Variants in SOS2 observed in about 807,000 individuals in gnomAD.
The protein encoded by SOS2 is son of sevenless homolog 2.
SOS2 carries 65 observed loss-of-function variants against 148.2 expected under a neutral mutation model. The observed-to-expected ratio is 0.44, with a 90% CI of 0.36 to 0.54. The LOEUF (loss-of-function observed/expected upper bound fraction) is 0.54, where lower values mean the gene tolerates loss of function less well. SOS2 is among the 20% of genes least tolerant of loss of function. The pLI is 0.00. For synonymous variants in SOS2, 539 were observed against 537.1 expected, an observed-to-expected ratio of 1.00 and a Z score of -0.05; for missense variants, 1,341 against 1,590.2, an observed-to-expected ratio of 0.84 and a Z score of 2.67.
intron 1 of SOS2, among the ~76,000 whole-genome samples, chr14:50,211,385 G>T (rs1222383916): frequency 6.6e-6 from 1 of 151,932 alleles, no homozygotes. Flanking sequence ...TGTTACCTAG[G>T]TATATTGTGT....
chr14:50,160,341 A>G (rs866167413), intron 9 of SOS2, among the ~76,000 whole-genome samples: 7 of 137,314 alleles, frequency 5.1e-5, no homozygotes, highest in South Asian at 2.3e-4. Context: ...ATTTTTAAAC[A>G]TTTATTAAGT....
intron 4 of SOS2, among the ~76,000 whole-genome samples, chr14:50,189,321 C>CAT (rs1187796534): frequency 7.8e-5 from 1 of 12,842 alleles, no homozygotes; most frequent in East Asian, 3.8e-3. Flanking sequence ...CACACACACA[C>CAT]ACATAATAGC....
chr14:50,190,239 C>T (rs1269499022), intron 4 of SOS2, among the ~76,000 whole-genome samples: 3 of 151,854 alleles, frequency 2.0e-5, no homozygotes, highest in African/African-American at 4.8e-5. Flanking sequence ...CTGACCGAAA[C>T]GTACCCAGAG....
Position 50,137,835 on chromosome 14 carries a change from T to A in SOS2, c.2958+777A>T, listed in dbSNP as rs1313867593. Among the ~76,000 whole-genome samples, 10 of 152,222 alleles carry A rather than the reference T, an allele frequency of 6.6e-5. No homozygotes were observed. In the East Asian group the frequency reaches 1.9e-3, roughly 29 times the overall value. ...AATAATCCAATTATACTCTTATAGT[T>A]AATATTTTTTATTTTATTTTTTGAG... On this transcript the variant is annotated intron_variant, in intron 18 of 22. Coordinates refer to ENST00000216373, the MANE Select transcript of SOS2 (RefSeq NM_006939.4).
At chr14:50,181,729 T>C (rs1370943276) in intron 6 of SOS2, among the ~76,000 whole-genome samples, 9 of 152,104 alleles carry the variant, frequency 5.9e-5, no homozygotes, top group Admixed American at 5.2e-4. Context: ...TTCGTATGTA[T>C]GCACAGAAAT....
chr14:50,187,903 A>C (rs1311140589), intron 5 of SOS2, among the ~76,000 whole-genome samples: 4 of 152,178 alleles, frequency 2.6e-5, no homozygotes, highest in Non-Finnish European at 4.4e-5. Flanking sequence ...CCTTTCCTAG[A>C]CCATACATCT....
chr14:50,188,803 T>C, intron 4 of SOS2, 103 bp from the exon 5 acceptor site: 1 of 796,072 alleles, frequency 1.3e-6, no homozygotes, highest in Non-Finnish European at 1.9e-6. Context: ...GGGCTGGGTG[T>C]TGTAATCCCA....
chr14:50,149,241 A>C (rs1413980808), intron 14 of SOS2, among the ~76,000 whole-genome samples: 1 of 152,178 alleles, frequency 6.6e-6, no homozygotes, highest in African/African-American at 2.4e-5. Context: ...TACTCACAAT[A>C]GCTATGATAT....
chr14:50,152,979 G>A lies in SOS2; in HGVS notation c.2161+91C>T, dbSNP rs1372276339. 5 of 632,494 alleles carry A rather than the reference G, an allele frequency of 7.9e-6. No individual in the cohort carries two copies. The East Asian group carries it at 1.1e-4, about 14-fold the overall frequency. The allele number at this position is 632,494 out of a possible 1,614,324, so 39.2% of individuals were successfully genotyped here. The stretch of plus-strand genomic sequence containing the variant: ...AGCTCTGTTTCAAAAAAAAAAAAGA[G>A]AGAGAAATGTTTTAGTTTCTTAAAG... On this transcript the variant is annotated intron_variant, in intron 13 of 22. Transcript: ENST00000216373.
intron 18 of SOS2, among the ~76,000 whole-genome samples, chr14:50,137,246 A>T (rs188329902): frequency 6.6e-6 from 1 of 152,300 alleles, no homozygotes; most frequent in Non-Finnish European, 1.5e-5. Flanking sequence ...CTCAAAATAG[A>T]ACATCAATCG....
Position 50,231,180 on chromosome 14 carries a change from C to G in SOS2, c.87+17G>C, listed in dbSNP as rs1887533092. ...GGCCACGGGCCACCCGCCGGCCGCCCCGCCCCTAGCACTGACCTTCCGCAG... is the reference window on the plus strand; with the variant it reads ...GGCCACGGGCCACCCGCCGGCCGCCGCGCCCCTAGCACTGACCTTCCGCAG... On this transcript the variant is annotated intron_variant, in intron 1 of 22. Coordinates refer to ENST00000216373, the MANE Select transcript of SOS2 (RefSeq NM_006939.4). The G allele has an allele frequency of 1.4e-6, 2 of 1,391,106 alleles. No individual in the cohort carries two copies. The highest frequency in any genetic ancestry group is 1.9e-6 in the Non-Finnish European group (2 of 1,047,390). 86.2% of individuals were successfully genotyped at this position (1,391,106 alleles called of 1,614,324 possible). A position where few individuals can be genotyped will look rare whatever the true frequency, so the allele number is the denominator to read the frequency against.
At chr14:50,134,291 A>G in intron 18 of SOS2, 52 bp from the exon 19 acceptor site, 1 of 840,578 alleles carries the variant, frequency 1.2e-6, no homozygotes, top group Non-Finnish European at 1.9e-6. Context: ...TATATTTTAG[A>G]TCTTATTAAA....
In SOS2 at chr14:50,216,950, T is replaced by C. The variant is rs570468437; in HGVS notation, c.88-12541A>G. The stretch of plus-strand genomic sequence containing the variant: ...CAGCAAGCTTTTTTGTAGAAATTGA[T>C]ATGTTGATTAAAACATTCTCATGGA... On this transcript the variant is annotated intron_variant, in intron 1 of 22. Transcript: ENST00000216373. 2.6e-5 allele frequency among the ~76,000 whole-genome samples: 4 copies of C among 152,310 alleles called. No individual in the cohort carries two copies. The East Asian group carries it at 7.7e-4, about 29-fold the overall frequency.
chr14:50,124,929 A>G (rs1883635502), intron 21 of SOS2, among the ~76,000 whole-genome samples: 1 of 152,136 alleles, frequency 6.6e-6, no homozygotes, highest in Non-Finnish European at 1.5e-5. Flanking sequence ...CAAAATGTAA[A>G]ATTTTCTTAT....
At chr14:50,165,411 C>CCG (rs935912028) in intron 8 of SOS2, among the ~76,000 whole-genome samples, 14 of 152,002 alleles carry the variant, frequency 9.2e-5, no homozygotes, top group African/African-American at 3.1e-4. Flanking sequence ...ACACACACAC[C>CCG]CGCGCACACA....
At chr14:50,145,366 T>C in intron 15 of SOS2, 34 bp from the exon 16 acceptor site, 1 of 1,575,086 alleles carries the variant, frequency 6.3e-7, no homozygotes, top group Non-Finnish European at 8.6e-7. Context: ...CTTAGAAAAG[T>C]TTCTTCACCT....
chr14:50,169,872 T>A (rs1388488398), intron 8 of SOS2, among the ~76,000 whole-genome samples: 14 of 152,048 alleles, frequency 9.2e-5, no homozygotes, highest in Admixed American at 9.2e-4. Flanking sequence ...TTAAGCCCCA[T>A]AAGGTTGATC....
chr14:50,159,517 T>G lies in SOS2; in HGVS notation c.1766A>C (p.Asn589Thr). 6.2e-7 allele frequency: 1 copy of G among 1,613,398 alleles called. No homozygotes were observed. The highest frequency in any genetic ancestry group is 8.5e-7 in the Non-Finnish European group (1 of 1,179,330). ...DSEENIVFEDNLQSRSGIPII... is the reference protein window; with the variant it reads ...DSEENIVFEDTLQSRSGIPII... Reference sequence around the variant, plus strand: ...GGGGATGCCACTTCTACTTTGCAAGTTGTCTTCAAAAACAATGTTTTCCTC... The same window carrying G: ...GGGGATGCCACTTCTACTTTGCAAGGTGTCTTCAAAAACAATGTTTTCCTC... Residue 589 changes from asparagine (N) to threonine (T), a missense_variant, in exon 10 of 23, where the codon AAC (asparagine) becomes ACC (threonine). This residue lies in a region of SOS2 where 574 missense variants were observed against 711.1 expected (regional missense o/e 0.81). Transcript: ENST00000216373.
intron 2 of SOS2, among the ~76,000 whole-genome samples, chr14:50,203,801 GT>G (rs1052570486): frequency 1.5e-4 from 20 of 135,778 alleles, no homozygotes; most frequent in Admixed American, 1.5e-4. Flanking sequence ...TTTTTTTTTT[GT>G]TTTTTTTTTT....
Sources: gnomAD v4.1 joint callset for allele counts (sites outside exome capture counted in the v4.1 genomes callset) on GRCh38, gnomAD v4.1.1 for gene constraint, gnomAD v4.1.1 regional missense constraint, MANE v1.5 for transcripts, NCBI Gene and HGNC (gene_info 2026-07-23, HGNC 2026-07-21) for gene names.